HS3ST1: variants seen among roughly 807,000 people sequenced by gnomAD.
The protein encoded by HS3ST1 is heparan sulfate glucosamine 3-O-sulfotransferase 1.
Under a neutral mutation model 20.7 loss-of-function variants are expected in HS3ST1, and 8 were observed. The observed-to-expected ratio is 0.39, with a 90% CI of 0.23 to 0.70. The LOEUF is 0.70. HS3ST1 is among the 30% of genes least tolerant of loss of function. The pLI is 0.46. For synonymous variants in HS3ST1, 205 were observed against 190.4 expected (o/e 1.08, Z -0.63); for missense variants, 436 against 423.4 (o/e 1.03, Z -0.26).
At chr4:11,434,212 C>A (rs1242097249), upstream of HS3ST1, among the ~76,000 whole-genome samples, 1 of 152,012 alleles carries the variant, frequency 6.6e-6, no homozygotes, top group Non-Finnish European at 1.5e-5. Context: ...TAAGAACTGG[C>A]TATATATATA....
At chr4:11,428,343 A>C (rs760514098) in intron 1 of HS3ST1, 1 of 152,308 alleles carries the variant, frequency 6.6e-6, no homozygotes, top group African/African-American at 2.4e-5. Flanking sequence ...TCGCTGCCCT[A>C]CAGGGTCCTA....
At position 11,400,110 on chromosome 4, in the gene HS3ST1, A is replaced by G. The variant is rs1577435762; in HGVS notation, c.-105T>C. ...GGCACATGGGCGTTTCAGGCCTTCA[A>G]TTACTAGGGAACAAAAAGGGAAGAT... On this transcript the variant is annotated 5_prime_UTR_variant, in exon 2 of 2. Transcript: ENST00000002596. 5 of 1,427,964 alleles carry G rather than the reference A, an allele frequency of 3.5e-6. No individual in the cohort carries two copies. The highest frequency in any genetic ancestry group is 3.7e-6 in the Non-Finnish European group (4 of 1,095,290). The allele number at this position is 1,427,964 out of a possible 1,614,324, so 88.5% of individuals were successfully genotyped here.
chr4:11,425,641 G>A (rs1257879986), intron 1 of HS3ST1, among the ~76,000 whole-genome samples: 11 of 152,126 alleles, frequency 7.2e-5, no homozygotes. Context: ...TGATTAAAAT[G>A]AACATTAAAA....
chr4:11,426,024 CT>C (rs1345689305), intron 1 of HS3ST1, among the ~76,000 whole-genome samples: 1 of 152,192 alleles, frequency 6.6e-6, no homozygotes, highest in Non-Finnish European at 1.5e-5. Context: ...AAAGTTACCA[CT>C]CTCCTGCAAC....
upstream of HS3ST1, chr4:11,429,854 T>A (rs1200354244): frequency 2.0e-5 from 3 of 151,854 alleles, no homozygotes. Flanking sequence ...AGAAACGGGT[T>A]TGCCTGCTTA....
intron 1 of HS3ST1, among the ~76,000 whole-genome samples, chr4:11,418,994 C>T (rs905618338): frequency 3.9e-5 from 6 of 152,054 alleles, no homozygotes; most frequent in Admixed American, 2.6e-4. Flanking sequence ...GAGGGAGTGG[C>T]ATGTACCACT....
intron 1 of HS3ST1, among the ~76,000 whole-genome samples, chr4:11,406,199 C>A (rs1261469512): frequency 6.6e-6 from 1 of 152,200 alleles, no homozygotes; most frequent in Non-Finnish European, 1.5e-5. Context: ...ATTATTTCTT[C>A]TAATACTTGC....
chr4:11,433,759 T>G (rs1228810599), upstream of HS3ST1, among the ~76,000 whole-genome samples: 1 of 152,242 alleles, frequency 6.6e-6, no homozygotes, highest in African/African-American at 2.4e-5. Flanking sequence ...GCAGCCTGTG[T>G]GCTAGGTACA....
intron 1 of HS3ST1, among the ~76,000 whole-genome samples, chr4:11,411,399 T>C (rs1256004120): frequency 6.6e-6 from 1 of 152,240 alleles, no homozygotes; most frequent in African/African-American, 2.4e-5. Flanking sequence ...TGTCCCTTAC[T>C]TGAAATGTTT....
At chr4:11,408,202 T>C (rs560495317) in intron 1 of HS3ST1, among the ~76,000 whole-genome samples, 2 of 152,266 alleles carry the variant, frequency 1.3e-5, no homozygotes, top group East Asian at 3.9e-4. Context: ...GCCCTGAAAC[T>C]CAGAGCTTGA....
intron 1 of HS3ST1, among the ~76,000 whole-genome samples, chr4:11,419,515 A>G (rs1718870882): frequency 6.6e-6 from 1 of 152,136 alleles, no homozygotes; most frequent in Admixed American, 6.5e-5. Flanking sequence ...TATGACAAAT[A>G]GCTGATGCAT....
At chr4:11,411,406 G>A (rs1039872263) in intron 1 of HS3ST1, among the ~76,000 whole-genome samples, 2 of 152,158 alleles carry the variant, frequency 1.3e-5, no homozygotes, top group Non-Finnish European at 2.9e-5. Context: ...TACTTGAAAT[G>A]TTTTTAAAGT....
chr4:11,425,976 T>C (rs10000714), intron 1 of HS3ST1, among the ~76,000 whole-genome samples: 44,991 of 152,068 alleles, frequency 0.3, 8,335 homozygotes, highest in African/African-American at 0.52. Flanking sequence ...TTTCCAGCAC[T>C]AGCTGGAAAG....
upstream of HS3ST1, among the ~76,000 whole-genome samples, chr4:11,432,135 T>C (rs1317642794): frequency 2.0e-5 from 3 of 152,134 alleles, no homozygotes; most frequent in African/African-American, 7.2e-5. Flanking sequence ...CCACAAAATA[T>C]GTAATAGGAG....
In HS3ST1 at chr4:11,398,401, T is replaced by G. The variant is rs1718197736; in HGVS notation, c.*681A>C. 1 of 152,230 alleles carries G rather than the reference T, an allele frequency of 6.6e-6. No homozygotes were observed. Among genetic ancestry groups the G allele is most frequent in the Non-Finnish European group, 1.5e-5 (1 of 68,046 alleles). 9.4% of individuals were successfully genotyped at this position (152,230 alleles called of 1,614,324 possible). A position where few individuals can be genotyped will look rare whatever the true frequency, so the allele number is the denominator to read the frequency against. On this transcript the variant is annotated 3_prime_UTR_variant, in exon 2 of 2. Coordinates refer to ENST00000002596, the MANE Select transcript of HS3ST1 (RefSeq NM_005114.4). ...GTTTAATCCTCTTTATTATAACTGC[T>G]GAGATCAGAAGCATGTGCAAATATT... is the stretch of plus-strand genomic sequence containing the variant.
In HS3ST1 at chr4:11,397,307, T is replaced by C. The variant is rs1480994656; in HGVS notation, c.*1775A>G. ...TCCTCTCTGCTCTCTGTTCATGATA[T>C]GGGGTGGGGCATAGGCCATGCTAAG... On this transcript the variant is annotated 3_prime_UTR_variant, in exon 2 of 2. Coordinates refer to ENST00000002596, the MANE Select transcript of HS3ST1 (RefSeq NM_005114.4). 2 of 152,374 alleles carry C rather than the reference T, an allele frequency of 1.3e-5. No individual in the cohort carries two copies. The highest frequency in any genetic ancestry group is 2.9e-5 in the Non-Finnish European group (2 of 68,172). 9.4% of individuals were successfully genotyped at this position (152,374 alleles called of 1,614,324 possible).
intron 1 of HS3ST1, among the ~76,000 whole-genome samples, chr4:11,426,943 T>A (rs910724135): frequency 6.6e-6 from 1 of 152,166 alleles, no homozygotes. Flanking sequence ...GGAGCGCGCG[T>A]CTCCTGGAAT....
chr4:11,423,017 C>A (rs1260308387), intron 1 of HS3ST1, among the ~76,000 whole-genome samples: 1 of 47,972 alleles, frequency 2.1e-5, no homozygotes, highest in Non-Finnish European at 3.7e-5. Flanking sequence ...GAGCGAGACA[C>A]CGTCAAAAAA....
intron 1 of HS3ST1, among the ~76,000 whole-genome samples, chr4:11,425,844 G>C (rs1395865730): frequency 1.3e-5 from 2 of 152,280 alleles, no homozygotes; most frequent in African/African-American, 4.8e-5. Flanking sequence ...GGGGCAAGAA[G>C]TTGGCTTTAA....
Sources: allele counts gnomAD v4.1 joint callset (sites outside exome capture counted in the v4.1 genomes callset), GRCh38; gene constraint gnomAD v4.1.1; transcripts MANE v1.5; gene names NCBI Gene and HGNC (gene_info 2026-07-23, HGNC 2026-07-21).